Variants in AMOT observed in about 807,000 individuals in gnomAD.
AMOT encodes angiomotin.
In AMOT, 11 loss-of-function variants were observed where a neutral mutation model predicts 67.0. That is an observed-to-expected ratio of 0.16 (90% CI 0.10 to 0.27). AMOT has a LOEUF of 0.27. Among genes scored for constraint, AMOT ranks in the 10% least tolerant of loss-of-function variants. The probability of loss-of-function intolerance (pLI) is 1.00; values close to 1 mark genes in which losing one functional copy is unlikely to be tolerated. For missense variants in AMOT, 753 were observed against 852.0 expected (o/e 0.88, Z 1.45); for synonymous variants, 326 against 321.4 (o/e 1.01, Z -0.15).
At chrX:112,825,811 C>T (rs1329349564) in intron 2 of AMOT, among the ~76,000 whole-genome samples, 1 of 109,925 alleles carries the variant, frequency 9.1e-6, no homozygotes, top group African/African-American at 3.3e-5. Flanking sequence ...ATACTAGACA[C>T]AATAAGGGCT....
chrX:112,806,712 A>G (rs1934202344), intron 7 of AMOT, among the ~76,000 whole-genome samples: 1 of 112,054 alleles, frequency 8.9e-6, no homozygotes, highest in Admixed American at 9.5e-5. Context: ...ATCCCTAAAC[A>G]GATTTTACAC....
intron 8 of AMOT, among the ~76,000 whole-genome samples, chrX:112,797,570 C>A (rs1235262789): frequency 9.0e-6 from 1 of 111,660 alleles, no homozygotes; most frequent in Admixed American, 9.5e-5. Context: ...TACTTGAGGT[C>A]AGGCATTCGG....
chrX:112,788,558 C>G (rs1933457829), intron 10 of AMOT, among the ~76,000 whole-genome samples: 1 of 112,089 alleles, frequency 8.9e-6, no homozygotes. Context: ...CATGGTAGAA[C>G]GTAAGAGGCA....
chrX:112,822,382 G>C lies in AMOT; in HGVS notation c.745C>G (p.Pro249Ala). 8.6e-7 allele frequency: 1 copy of C among 1,167,100 alleles called. No individual in the cohort carries two copies. The highest frequency in any genetic ancestry group is 1.1e-6 in the Non-Finnish European group (1 of 872,595). The change falls in exon 4 of 14, where the codon CCC becomes GCC. Residue 249 changes from proline (P) to alanine (A), a missense_variant. Pro to Ala is a conservative substitution (Grantham distance 27). This residue lies in a region of AMOT where 297 missense variants were observed against 284.3 expected (regional missense o/e 1.04). Coordinates refer to ENST00000371959, the MANE Select transcript of AMOT (RefSeq NM_001113490.2). Reference protein sequence around the residue: ...PPEYPFKGMPPQSVVCKPQEP... With the variant: ...PPEYPFKGMPAQSVVCKPQEP... The stretch of plus-strand genomic sequence containing the variant: ...TGGGGCTTGCACACTACAGATTGGG[G>C]TGGCATGCCCTTGAAGGGATATTCT...
At chrX:112,778,701 G>A (rs765741948) in intron 13 of AMOT, 37 bp from the exon 14 acceptor site, 1 of 1,116,589 alleles carries the variant, frequency 9.0e-7, no homozygotes, top group South Asian at 2.0e-5. Flanking sequence ...ACTTAGGGAT[G>A]AAGAAAAAAC....
intron 4 of AMOT, among the ~76,000 whole-genome samples, chrX:112,816,463 AATG>A (rs1193549990): frequency 3.2e-4 from 36 of 112,090 alleles, no homozygotes; most frequent in African/African-American, 1.2e-3. Flanking sequence ...AGAGACACTA[AATG>A]ATTATTGTTG....
In AMOT at chrX:112,815,577, G is replaced by GTGGTGA. The variant is rs1430391186; in HGVS notation, c.1167_1172dup (p.His390_His391dup). ...GTGGCTGCTGCTGCTGCTGTTGTTG[G>GTGGTGA]TGGTGATGGTGATGATGGTGCTGCT... On this transcript the variant is annotated inframe_insertion, in exon 5 of 14. Coordinates refer to ENST00000371959, the MANE Select transcript of AMOT (RefSeq NM_001113490.2). 1.2e-5 allele frequency: 15 copies of GTGGTGA among 1,210,321 alleles called. No homozygotes were observed. The highest frequency in any genetic ancestry group is 1.7e-5 in the Non-Finnish European group (15 of 894,594).
At chrX:112,827,925 G>GT (rs1934885408) in intron 2 of AMOT, among the ~76,000 whole-genome samples, 1 of 111,747 alleles carries the variant, frequency 8.9e-6, no homozygotes, top group South Asian at 3.8e-4. Context: ...TAAGAAAGCT[G>GT]TTTCTCTGCT....
In AMOT at chrX:112,816,439, T is replaced by C. The variant is rs181604313; in HGVS notation, c.873-562A>G. Among the ~76,000 whole-genome samples the C allele has an allele frequency of 1.4e-4, 16 of 111,642 alleles. No individual in the cohort carries two copies. The Admixed American group carries it at 1.5e-3, about 11-fold the overall frequency. ...AGAAAAAAAACTATTCAAGGATTGG[T>C]AGATACTTATATTAGAGACACTAAA... On this transcript the variant is annotated intron_variant, in intron 4 of 13. Coordinates refer to ENST00000371959, the MANE Select transcript of AMOT (RefSeq NM_001113490.2).
intron 8 of AMOT, among the ~76,000 whole-genome samples, chrX:112,793,033 C>T (rs1569394765): frequency 9.2e-6 from 1 of 109,196 alleles, no homozygotes; most frequent in Non-Finnish European, 1.9e-5. Context: ...TATGGGGAAA[C>T]TGCAGGCTTC....
chrX:112,839,149 T>C (rs1448946161), intron 1 of AMOT, among the ~76,000 whole-genome samples: 1 of 112,492 alleles, frequency 8.9e-6, no homozygotes, highest in East Asian at 2.8e-4. Context: ...TGTTCCCAAA[T>C]AAGCAATGGG....
rs780772550 is a variant in AMOT, at chrX:112,817,932, A to G, written c.873-2055T>C. Among the ~76,000 whole-genome samples, 149 of 111,560 alleles carry G rather than the reference A, an allele frequency of 1.3e-3. 2 individuals carry two copies. The highest frequency in any genetic ancestry group is 4.7e-3 in the African/African-American group (144 of 30,684). On this transcript the variant is annotated intron_variant, in intron 4 of 13. Transcript: ENST00000371959. ...TCAGTTTCCTCACAGGTAAAAGACT[A>G]AGTGCTCTTTTTTCTCTTTGAATGA... is the stretch of plus-strand genomic sequence containing the variant.
At chrX:112,824,738 A>G (rs1934800128) in intron 3 of AMOT, among the ~76,000 whole-genome samples, 1 of 111,212 alleles carries the variant, frequency 9.0e-6, no homozygotes, top group Non-Finnish European at 1.9e-5. Flanking sequence ...GGACTCCTGT[A>G]CTTGAACTGT....
chrX:112,815,720 C>G lies in AMOT; in HGVS notation c.1030G>C (p.Asp344His), dbSNP rs1444424615. ...ARHPLVPNQG[D>H]HSAHLPRPQQ... ...GGCCTAGGCAGGTGAGCTGAATGGT[C>G]TCCCTGGTTTGGGACCAAGGGGTGT... The change falls in exon 5 of 14, where the codon GAC (aspartate) becomes CAC (histidine). Residue 344 changes from aspartate (D) to histidine (H), a missense_variant. By Grantham distance (81) the Asp-to-His change is moderately conservative. Transcript: ENST00000371959. 2.6e-6 allele frequency: 3 copies of G among 1,165,588 alleles called. No homozygotes were observed. Among genetic ancestry groups the G allele is most frequent in the Non-Finnish European group, 2.3e-6 (2 of 872,892 alleles).
intron 3 of AMOT, among the ~76,000 whole-genome samples, chrX:112,823,954 A>G (rs950238916): frequency 8.9e-6 from 1 of 111,828 alleles, no homozygotes; most frequent in African/African-American, 3.3e-5. Context: ...TGTGCCTCTG[A>G]CAAAATTTAG....
rs1400826807 is a variant in AMOT at position 112,819,480 on chromosome X, C to T, written c.872+2775G>A. The T allele has an allele frequency of 8.1e-6, 5 of 615,672 alleles. No individual in the cohort carries two copies. The African/African-American group carries it at 1.2e-4, about 15-fold the overall frequency. 50.7% of individuals were successfully genotyped at this position (615,672 alleles called of 1,213,427 possible). A position where few individuals can be genotyped will look rare whatever the true frequency, so the allele number is the denominator to read the frequency against. On this transcript the variant is annotated intron_variant, in intron 4 of 13. Transcript: ENST00000371959. ...CTTAGATTCCACTAAACAAGGATTT[C>T]AAGAAACCTCAGATCTGGGCATGAT... is the stretch of plus-strand genomic sequence containing the variant.
chrX:112,791,566 C>T (rs995523581), intron 9 of AMOT, among the ~76,000 whole-genome samples: 1 of 111,851 alleles, frequency 8.9e-6, no homozygotes, highest in African/African-American at 3.3e-5. Flanking sequence ...ATTCTTACAG[C>T]GTCTACTGTT....
chrX:112,837,639 C>A (rs1255933294), intron 1 of AMOT, among the ~76,000 whole-genome samples: 8 of 110,825 alleles, frequency 7.2e-5, no homozygotes, highest in Non-Finnish European at 1.5e-4. Flanking sequence ...CTGTTTAATA[C>A]CCCCTTAGTT....
At chrX:112,799,239 A>G (rs1933935877) in intron 8 of AMOT, among the ~76,000 whole-genome samples, 1 of 112,203 alleles carries the variant, frequency 8.9e-6, no homozygotes, top group African/African-American at 3.2e-5. Flanking sequence ...TAACACTTGC[A>G]AGGTTCTTTG....
Sources: allele counts gnomAD v4.1 joint callset (sites outside exome capture counted in the v4.1 genomes callset), GRCh38; gene constraint gnomAD v4.1.1; regional missense constraint gnomAD v4.1.1; transcripts MANE v1.5; gene names NCBI Gene and HGNC (gene_info 2026-07-23, HGNC 2026-07-21).